MYLK4: variants seen among roughly 807,000 people sequenced by gnomAD.
The protein encoded by MYLK4 is myosin light chain kinase family member 4.
MYLK4 carries 46 observed loss-of-function variants against 48.1 expected under a neutral mutation model. The ratio of observed to expected loss-of-function variants is 0.96; its 90% CI spans 0.75 to 1.22. The LOEUF is 1.22. Among genes scored for constraint, MYLK4 ranks in the 50% most tolerant of loss-of-function variants. The probability of loss-of-function intolerance (pLI) is 0.00; values close to 1 mark genes in which losing one functional copy is unlikely to be tolerated. For missense variants in MYLK4, 451 were observed against 486.1 expected, an observed-to-expected ratio of 0.93 and a Z score of 0.68; for synonymous variants, 170 against 180.8, an observed-to-expected ratio of 0.94 and a Z score of 0.48.
At chr6:2,701,680 T>A (rs143728190) in intron 2 of MYLK4, among the ~76,000 whole-genome samples, 115 of 152,268 alleles carry the variant, frequency 7.6e-4, no homozygotes, top group African/African-American at 2.6e-3. Flanking sequence ...TCCCCAACAT[T>A]TAGTCGCCTG....
At chr6:2,697,939 C>CT (rs1491338979) in intron 2 of MYLK4, among the ~76,000 whole-genome samples, 3 of 152,222 alleles carry the variant, frequency 2.0e-5, no homozygotes, top group African/African-American at 7.2e-5. Context: ...TGTGAGAACA[C>CT]TCTGTCATCA....
chr6:2,703,665 C>CTTTTTTTTTTTTTTTT (rs3055234), intron 2 of MYLK4, among the ~76,000 whole-genome samples: 5 of 95,152 alleles, frequency 5.3e-5, no homozygotes, highest in South Asian at 4.5e-4. Context: ...TTTGTGAATT[C>CTTTTTTTTTTTTTTTT]TTTTTTTTTT....
At chr6:2,737,237 CG>C (rs1393500749) in intron 2 of MYLK4, among the ~76,000 whole-genome samples, 2 of 152,212 alleles carry the variant, frequency 1.3e-5, no homozygotes, top group Non-Finnish European at 2.9e-5. Context: ...CGCTTGAACC[CG>C]GGAGGCGGAG....
At chr6:2,696,659 C>G (rs1705761130) in intron 2 of MYLK4, among the ~76,000 whole-genome samples, 1 of 152,342 alleles carries the variant, frequency 6.6e-6, no homozygotes, top group South Asian at 2.1e-4. Flanking sequence ...GCAGCCCAAG[C>G]TAAGACACCA....
At chr6:2,699,378 ATCTCCCGAGTTCAAGCAAT>A (rs1762202410) in intron 2 of MYLK4, among the ~76,000 whole-genome samples, 3 of 131,202 alleles carry the variant, frequency 2.3e-5, no homozygotes, top group Non-Finnish European at 3.1e-5. Context: ...TGCAACCTCC[ATCTCCCGAGTTCAAGCAAT>A]TCTCTGCCTC....
At chr6:2,746,730 G>C (rs1033047507) in intron 2 of MYLK4, among the ~76,000 whole-genome samples, 1 of 152,226 alleles carries the variant, frequency 6.6e-6, no homozygotes, top group Non-Finnish European at 1.5e-5. Context: ...AATAGGTGGA[G>C]AAAATCGACA....
At chr6:2,762,272 A>T in the MYLK4 span, among the ~76,000 whole-genome samples, 1 of 152,186 alleles carries the variant, frequency 6.6e-6, no homozygotes, top group African/African-American at 2.4e-5. Flanking sequence ...AACCCTATTA[A>T]CAATAAAGTT....
chr6:2,766,251 C>G, the MYLK4 span: 3 of 1,520,696 alleles, frequency 2.0e-6, no homozygotes, highest in Admixed American at 2.0e-5. Flanking sequence ...CGCCCGCACC[C>G]CCGGGCGCTG....
At chr6:2,742,528 C>T (rs1405723259) in intron 2 of MYLK4, among the ~76,000 whole-genome samples, 1 of 150,706 alleles carries the variant, frequency 6.6e-6, no homozygotes, top group Non-Finnish European at 1.5e-5. Context: ...CCATGGAATA[C>T]TATGCAGCCA....
chr6:2,682,760 C>CT (rs1471352335), intron 7 of MYLK4, among the ~76,000 whole-genome samples: 2 of 152,168 alleles, frequency 1.3e-5, no homozygotes, highest in Non-Finnish European at 2.9e-5. Flanking sequence ...TCATTCTAAA[C>CT]TTTTAGGGAA....
At chr6:2,715,630 C>T (rs1295743226) in intron 2 of MYLK4, among the ~76,000 whole-genome samples, 1 of 152,164 alleles carries the variant, frequency 6.6e-6, no homozygotes, top group Non-Finnish European at 1.5e-5. Context: ...TACAAGACAT[C>T]TAAATCAAAG....
rs532781446 is a variant in MYLK4 at position 2,687,528 on chromosome 6, A to G, written c.341+1323T>C. On this transcript the variant is annotated intron_variant, in intron 4 of 12. Coordinates refer to ENST00000274643, the MANE Select transcript of MYLK4 (RefSeq NM_001012418.5). ...TTCAAAGCTTCTTCTGCAAATAACTATTCTCGGTTAGAGAAATAGTTGCTG... is the reference window on the plus strand; with the variant it reads ...TTCAAAGCTTCTTCTGCAAATAACTGTTCTCGGTTAGAGAAATAGTTGCTG... Among the ~76,000 whole-genome samples the G allele has an allele frequency of 3.3e-5, 5 of 152,338 alleles. No individual in the cohort carries two copies. The South Asian group carries it at 1.0e-3, about 32-fold the overall frequency.
the MYLK4 span, among the ~76,000 whole-genome samples, chr6:2,769,436 T>C: frequency 6.6e-6 from 1 of 152,114 alleles, no homozygotes; most frequent in African/African-American, 2.4e-5. Context: ...TAAAATTTTA[T>C]TGGGCTGAGA....
intron 2 of MYLK4, among the ~76,000 whole-genome samples, chr6:2,741,323 T>C (rs988815422): frequency 1.3e-5 from 2 of 152,240 alleles, no homozygotes; most frequent in Non-Finnish European, 2.9e-5. Context: ...CAGACTTGAT[T>C]TGCCACATTT....
In MYLK4 at chr6:2,688,852, C is replaced by T. The variant is rs753037954; in HGVS notation, c.340G>A (p.Gly114Arg). Reference sequence around the variant, plus strand: ...ATATTAACATTCAGCCTTACTCACCCTCCTAGGATTTCTGTCTTGCTCACA... The same window carrying T: ...ATATTAACATTCAGCCTTACTCACCTTCCTAGGATTTCTGTCTTGCTCACA... ...YTVSKTEILG[G>R]GRFGQVHKCE... The change falls in exon 4 of 13, where the codon GGA (glycine) becomes AGA (arginine). Residue 114 changes from glycine to arginine, a missense_variant and splice_region_variant. Transcript: ENST00000274643. 2 of 1,612,740 alleles carry T rather than the reference C, an allele frequency of 1.2e-6. No homozygotes were observed. The highest frequency in any genetic ancestry group is 2.2e-5 in the East Asian group (1 of 44,864).
chr6:2,682,719 G>A (rs981757086), intron 7 of MYLK4, among the ~76,000 whole-genome samples: 2 of 152,192 alleles, frequency 1.3e-5, no homozygotes, highest in Admixed American at 1.3e-4. Context: ...GGGCTACCAC[G>A]TGGATACCGC....
chr6:2,683,714 G>A (rs907975806), intron 6 of MYLK4, among the ~76,000 whole-genome samples: 24 of 151,998 alleles, frequency 1.6e-4, no homozygotes, highest in South Asian at 2.1e-4. Flanking sequence ...CCACCACACC[G>A]GCCCTCAAAG....
At chr6:2,670,568 A>G (rs1189813962) in intron 12 of MYLK4, among the ~76,000 whole-genome samples, 1 of 152,172 alleles carries the variant, frequency 6.6e-6, no homozygotes, top group Admixed American at 6.5e-5. Context: ...TCATAAGTAC[A>G]TGTGCCTCTT....
Position 2,683,031 on chromosome 6 carries a change from A to C in MYLK4, c.677T>G (p.Leu226Trp). The C allele has an allele frequency of 6.2e-7, 1 of 1,614,182 alleles. No individual in the cohort carries two copies. Among genetic ancestry groups the C allele is most frequent in the Non-Finnish European group, 8.5e-7 (1 of 1,180,036 alleles). The change falls in exon 7 of 13, where the codon TTG becomes TGG. Residue 226 changes from leucine (L) to tryptophan (W), a missense_variant. Transcript: ENST00000274643. Reference protein sequence around the residue: ...RHMHQMYILHLDLKPENILCV... With the variant: ...RHMHQMYILHWDLKPENILCV... ...ACAAAACACCCTTACCTTCAGGTCC[A>C]AGTGGAGAATGTACATCTGATGCAT... is the stretch of plus-strand genomic sequence containing the variant.
Sources: allele counts gnomAD v4.1 joint callset (sites outside exome capture counted in the v4.1 genomes callset), GRCh38; gene constraint gnomAD v4.1.1; transcripts MANE v1.5; gene names NCBI Gene and HGNC (gene_info 2026-07-23, HGNC 2026-07-21).